Variants in RBFOX1 observed in about 807,000 individuals in gnomAD.
The protein encoded by RBFOX1 is RNA binding protein fox-1 homolog 1.
RBFOX1 carries 8 observed loss-of-function variants against 57.7 expected under a neutral mutation model. That is an observed-to-expected ratio of 0.14 (90% CI 0.08 to 0.25). The LOEUF (loss-of-function observed/expected upper bound fraction) is 0.25, where lower values mean the gene tolerates loss of function less well. Among genes scored for constraint, RBFOX1 ranks in the 10% least tolerant of loss-of-function variants. The probability of loss-of-function intolerance (pLI) is 1.00; values close to 1 mark genes in which losing one functional copy is unlikely to be tolerated. For synonymous variants in RBFOX1, 326 were observed against 222.4 expected, an observed-to-expected ratio of 1.47 and a Z score of -4.15; for missense variants, 611 against 548.5, an observed-to-expected ratio of 1.11 and a Z score of -1.14.
At chr16:7,083,928 A>G (rs1344420464) in intron 4 of RBFOX1, among the ~76,000 whole-genome samples, 1 of 152,062 alleles carries the variant, frequency 6.6e-6, no homozygotes, top group South Asian at 2.1e-4. Context: ...CTGCCCACCT[A>G]GAGGTACCAT....
At chr16:5,737,726 C>T (rs1470431136) in intron 3 of RBFOX1, among the ~76,000 whole-genome samples, 1 of 152,034 alleles carries the variant, frequency 6.6e-6, no homozygotes, top group Admixed American at 6.5e-5. Flanking sequence ...ATGATGGCTG[C>T]ACAACTCTGT....
intron 1 of RBFOX1, among the ~76,000 whole-genome samples, chr16:6,290,200 A>G (rs2077325828): frequency 1.5e-5 from 2 of 132,250 alleles, no homozygotes; most frequent in Non-Finnish European, 3.4e-5. Context: ...TATAATAAGC[A>G]CCAAAATAGA....
intron 11 of RBFOX1, among the ~76,000 whole-genome samples, chr16:7,649,264 T>C (rs1407441946): frequency 6.6e-6 from 1 of 152,200 alleles, no homozygotes; most frequent in African/African-American, 2.4e-5. Flanking sequence ...CAAGGGTTTG[T>C]GATAAAGGAT....
rs190744244 is a variant in RBFOX1 at position 7,174,337 on chromosome 16, A to G, written c.27+122239A>G. 2.7e-4 allele frequency among the ~76,000 whole-genome samples: 41 copies of G among 152,262 alleles called. No homozygotes were observed. The East Asian group carries it at 7.1e-3, about 27-fold the overall frequency. On this transcript the variant is annotated intron_variant, in intron 4 of 15. Transcript: ENST00000550418. ...TACCCATTTATTGATGGATACGTGG[A>G]TTGTTTCCAGATTTTAACTATTATG...
intron 4 of RBFOX1, among the ~76,000 whole-genome samples, chr16:7,061,926 G>T (rs938512336): frequency 6.6e-6 from 1 of 152,118 alleles, no homozygotes; most frequent in African/African-American, 2.4e-5. Context: ...GTTCCCTCCA[G>T]TTGGGGGTAG....
At chr16:6,629,350 T>A (rs916563507) in intron 2 of RBFOX1, among the ~76,000 whole-genome samples, 1 of 152,214 alleles carries the variant, frequency 6.6e-6, no homozygotes, top group African/African-American at 2.4e-5. Context: ...AAACACAGTG[T>A]TGCTCGTTTA....
At chr16:7,434,048 T>A (rs1183552430) in intron 4 of RBFOX1, among the ~76,000 whole-genome samples, 1 of 152,032 alleles carries the variant, frequency 6.6e-6, no homozygotes, top group African/African-American at 2.4e-5. Context: ...GCCTGAATGA[T>A]CAGAAAGACA....
intron 5 of RBFOX1, among the ~76,000 whole-genome samples, chr16:7,543,372 T>A (rs2083476127): frequency 6.6e-6 from 1 of 152,122 alleles, no homozygotes; most frequent in African/African-American, 2.4e-5. Context: ...TTACAAGACT[T>A]TTTTACAGGC....
intron 1 of RBFOX1, among the ~76,000 whole-genome samples, chr16:6,108,896 G>A (rs73527911): frequency 2.6e-5 from 4 of 151,766 alleles, no homozygotes; most frequent in Admixed American, 1.3e-4. Flanking sequence ...TTAATATTTC[G>A]GACCCACCTA....
intron 3 of RBFOX1, among the ~76,000 whole-genome samples, chr16:6,909,402 T>TTA (rs1159326460): frequency 6.6e-6 from 1 of 152,202 alleles, no homozygotes; most frequent in Non-Finnish European, 1.5e-5. Context: ...TCAAGATCCT[T>TTA]TATTACATCT....
chr16:7,336,848 C>A (rs969187728), intron 4 of RBFOX1, among the ~76,000 whole-genome samples: 2 of 152,204 alleles, frequency 1.3e-5, no homozygotes, highest in Admixed American at 6.5e-5. Context: ...CATTTAGGAA[C>A]AGAAACTTGA....
At chr16:6,807,853 A>G (rs1351840024) in intron 3 of RBFOX1, among the ~76,000 whole-genome samples, 5 of 151,214 alleles carry the variant, frequency 3.3e-5, no homozygotes, top group Non-Finnish European at 7.4e-5. Context: ...TCTATTGAAT[A>G]TGTATGTTAG....
intron 3 of RBFOX1, among the ~76,000 whole-genome samples, chr16:6,694,460 G>T (rs1348594567): frequency 6.6e-6 from 1 of 152,172 alleles, no homozygotes; most frequent in Non-Finnish European, 1.5e-5. Context: ...TATAAAGAGG[G>T]AAATGAAAAT....
chr16:6,723,107 T>C (rs2066368287), intron 3 of RBFOX1, among the ~76,000 whole-genome samples: 1 of 152,184 alleles, frequency 6.6e-6, no homozygotes, highest in Non-Finnish European at 1.5e-5. Flanking sequence ...ACCAGAGTTT[T>C]CACAACGTGT....
At chr16:5,494,391 AAAT>A (rs1288031391) in intron 2 of RBFOX1, among the ~76,000 whole-genome samples, 1 of 152,198 alleles carries the variant, frequency 6.6e-6, no homozygotes, top group Non-Finnish European at 1.5e-5. Flanking sequence ...CGAGAACACT[AAAT>A]AAGGGTGAGA....
chr16:5,701,317 C>T (rs1042783131), intron 3 of RBFOX1, among the ~76,000 whole-genome samples: 1 of 152,152 alleles, frequency 6.6e-6, no homozygotes, highest in Non-Finnish European at 1.5e-5. Flanking sequence ...CAAACAAATA[C>T]AAAAGGAAAT....
chr16:6,404,236 A>G (rs2093190915), intron 2 of RBFOX1, among the ~76,000 whole-genome samples: 2 of 152,320 alleles, frequency 1.3e-5, no homozygotes, highest in South Asian at 2.1e-4. Flanking sequence ...TTGCATTTGT[A>G]TTAAGTTTTA....
chr16:6,651,065 G>C (rs528710730), intron 2 of RBFOX1, among the ~76,000 whole-genome samples: 131 of 152,262 alleles, frequency 8.6e-4, no homozygotes, highest in African/African-American at 2.8e-3. Context: ...AACAAGCCCA[G>C]CTAATTCTGT....
intron 3 of RBFOX1, among the ~76,000 whole-genome samples, chr16:6,980,342 G>C (rs1255992941): frequency 6.6e-6 from 1 of 152,140 alleles, no homozygotes; most frequent in Non-Finnish European, 1.5e-5. Context: ...TGTTCCAGAT[G>C]AGGACTAACA....
Sources: gnomAD v4.1 joint callset for allele counts (sites outside exome capture counted in the v4.1 genomes callset) on GRCh38, gnomAD v4.1.1 for gene constraint, MANE v1.5 for transcripts, NCBI Gene and HGNC (gene_info 2026-07-23, HGNC 2026-07-21) for gene names.